The following FSTL5 variants were observed in gnomAD, a reference collection of about 807,000 sequenced individuals.
FSTL5 encodes follistatin like 5.
FSTL5 carries 62 observed loss-of-function variants against 89.1 expected under a neutral mutation model. That is an observed-to-expected ratio of 0.70 (90% CI 0.57 to 0.86). The LOEUF is 0.86. Among genes scored for constraint, FSTL5 ranks in the 40% least tolerant of loss-of-function variants. FSTL5 has a pLI of 0.00. For synonymous variants in FSTL5, 383 were observed against 346.2 expected (o/e 1.11, Z -1.18); for missense variants, 1,057 against 1,001.6 (o/e 1.06, Z -0.75).
At chr4:161,907,255 T>A (rs1002441155) in intron 4 of FSTL5, among the ~76,000 whole-genome samples, 3 of 152,156 alleles carry the variant, frequency 2.0e-5, no homozygotes, top group African/African-American at 7.2e-5. Context: ...CATGCTCTTT[T>A]ATGTTTCACT....
intron 4 of FSTL5, among the ~76,000 whole-genome samples, chr4:161,809,247 A>G (rs1226489638): frequency 6.6e-6 from 1 of 152,060 alleles, no homozygotes; most frequent in African/African-American, 2.4e-5. Context: ...ATGCAAATCC[A>G]AAATACAATG....
At chr4:162,118,509 G>A (rs1464298038) in intron 1 of FSTL5, among the ~76,000 whole-genome samples, 1 of 151,938 alleles carries the variant, frequency 6.6e-6, no homozygotes, top group Non-Finnish European at 1.5e-5. Context: ...GATCCGCCCC[G>A]CTCGGCCTCC....
At chr4:161,850,522 G>A (rs1731515085) in intron 4 of FSTL5, among the ~76,000 whole-genome samples, 1 of 152,108 alleles carries the variant, frequency 6.6e-6, no homozygotes, top group African/African-American at 2.4e-5. Context: ...GGCAAAGAGG[G>A]TGGGTTAGCA....
chr4:161,650,969 A>C (rs1019521197), intron 7 of FSTL5, among the ~76,000 whole-genome samples: 4 of 152,186 alleles, frequency 2.6e-5, no homozygotes, highest in Admixed American at 2.0e-4. Context: ...TCACGTTAAC[A>C]CATCCAAAAC....
At chr4:162,138,977 ACT>A (rs1265450030) in intron 1 of FSTL5, among the ~76,000 whole-genome samples, 1 of 152,066 alleles carries the variant, frequency 6.6e-6, no homozygotes, top group Admixed American at 6.6e-5. Context: ...TTTGGAAATA[ACT>A]CTCTATAATA....
intron 1 of FSTL5, among the ~76,000 whole-genome samples, chr4:162,155,635 A>T (rs550232227): frequency 6.6e-6 from 1 of 152,296 alleles, no homozygotes; most frequent in East Asian, 1.9e-4. Flanking sequence ...AACTGCAACA[A>T]CTCTGAAAAT....
At chr4:161,487,148 T>C (rs932181030) in intron 12 of FSTL5, among the ~76,000 whole-genome samples, 32 of 152,356 alleles carry the variant, frequency 2.1e-4, no homozygotes, top group African/African-American at 7.2e-4. Context: ...ATTAAAATGT[T>C]AGCCTTTGCT....
intron 3 of FSTL5, among the ~76,000 whole-genome samples, chr4:161,947,043 T>C (rs1006025351): frequency 1.3e-5 from 2 of 152,058 alleles, no homozygotes; most frequent in South Asian, 2.1e-4. Flanking sequence ...AGTTCAAGTC[T>C]TTTTTGTCCA....
intron 4 of FSTL5, among the ~76,000 whole-genome samples, chr4:161,848,078 A>G (rs1279193159): frequency 6.6e-6 from 1 of 150,890 alleles, no homozygotes; most frequent in Non-Finnish European, 1.5e-5. Context: ...CATATCAAAC[A>G]GCACATGAAT....
At chr4:161,696,421 A>G (rs1738169901) in intron 6 of FSTL5, among the ~76,000 whole-genome samples, 1 of 151,964 alleles carries the variant, frequency 6.6e-6, no homozygotes. Flanking sequence ...CTTTTTGTTT[A>G]GTCTTGCTTT....
intron 4 of FSTL5, among the ~76,000 whole-genome samples, chr4:161,779,823 A>ATATG: frequency 9.4e-6 from 1 of 106,760 alleles, no homozygotes. Context: ...ATATATATAT[A>ATATG]TATATATATA....
intron 14 of FSTL5, among the ~76,000 whole-genome samples, chr4:161,455,907 A>G (rs1733336879): frequency 6.6e-6 from 1 of 152,186 alleles, no homozygotes; most frequent in African/African-American, 2.4e-5. Context: ...CCATCAAAGT[A>G]ACTTCCTAAA....
rs138119726 is a variant in FSTL5, at chr4:161,786,900, T to A, written c.410-10826A>T. Among the ~76,000 whole-genome samples, 104 of 152,284 alleles carry A rather than the reference T, an allele frequency of 6.8e-4. No homozygotes were observed. In the East Asian group the frequency reaches 0.02, roughly 29 times the overall value. Reference sequence around the variant, plus strand: ...AATGCCAACATTAATTTCTCAGTATTACACATTGCATATTTGACTTTTTTT... The same window carrying A: ...AATGCCAACATTAATTTCTCAGTATAACACATTGCATATTTGACTTTTTTT... On this transcript the variant is annotated intron_variant, in intron 4 of 15. Coordinates refer to ENST00000306100, the MANE Select transcript of FSTL5 (RefSeq NM_020116.5).
At chr4:161,658,252 T>C (rs1211352303) in intron 6 of FSTL5, among the ~76,000 whole-genome samples, 1 of 151,598 alleles carries the variant, frequency 6.6e-6, no homozygotes, top group Non-Finnish European at 1.5e-5. Context: ...TCACTTGAAG[T>C]GAGGAGTTCG....
chr4:162,105,459 A>G (rs887367150), intron 2 of FSTL5, among the ~76,000 whole-genome samples: 1 of 152,184 alleles, frequency 6.6e-6, no homozygotes, highest in Admixed American at 6.5e-5. Context: ...TATAAAATAT[A>G]CGGAACTATT....
At chr4:161,607,507 T>A (rs1304662036) in intron 7 of FSTL5, among the ~76,000 whole-genome samples, 1 of 152,140 alleles carries the variant, frequency 6.6e-6, no homozygotes, top group East Asian at 1.9e-4. Context: ...GCTAAAAGTT[T>A]AAAAATGTAA....
chr4:161,771,472 T>C (rs982160577), intron 5 of FSTL5, among the ~76,000 whole-genome samples: 1 of 152,046 alleles, frequency 6.6e-6, no homozygotes, highest in Non-Finnish European at 1.5e-5. Flanking sequence ...TGGAAAGTAG[T>C]AGAGATGTGA....
chr4:161,976,671 C>T (rs947554647), intron 3 of FSTL5, among the ~76,000 whole-genome samples: 3 of 151,888 alleles, frequency 2.0e-5, no homozygotes, highest in East Asian at 3.9e-4. Flanking sequence ...TTAGTAGAGA[C>T]GGGGTTTCAC....
chr4:161,409,207 C>A (rs1731502120), intron 15 of FSTL5, among the ~76,000 whole-genome samples: 1 of 152,114 alleles, frequency 6.6e-6, no homozygotes, highest in South Asian at 2.1e-4. Flanking sequence ...GGGCTAGCAG[C>A]AGACCACACA....
Sources: allele counts gnomAD v4.1 joint callset (sites outside exome capture counted in the v4.1 genomes callset), GRCh38; gene constraint gnomAD v4.1.1; transcripts MANE v1.5; gene names NCBI Gene and HGNC (gene_info 2026-07-23, HGNC 2026-07-21).